Variants in MAST4 observed in about 807,000 individuals in gnomAD.
The protein encoded by MAST4 is microtubule associated serine/threonine kinase family member 4.
A neutral mutation model predicts 162.7 loss-of-function variants in MAST4; 89 were observed. The observed-to-expected ratio is 0.55, with a 90% CI of 0.46 to 0.65. MAST4 has a LOEUF of 0.65. MAST4 is among the 30% of genes least tolerant of loss of function. The pLI is 0.00. For synonymous variants in MAST4, 1,479 were observed against 1,361.1 expected (o/e 1.09, Z -1.91); for missense variants, 3,153 against 3,374.0 (o/e 0.93, Z 1.62).
chr5:66,999,341 C>T (rs759839831), intron 4 of MAST4, among the ~76,000 whole-genome samples: 26 of 152,312 alleles, frequency 1.7e-4, no homozygotes, highest in Middle Eastern at 3.4e-3. Context: ...CTTCTCCAGT[C>T]CTATGGGCTG....
At chr5:66,904,566 C>T (rs17217092) in intron 4 of MAST4, among the ~76,000 whole-genome samples, 21,739 of 151,990 alleles carry the variant, frequency 0.14, 1,822 homozygotes, top group South Asian at 0.22. Flanking sequence ...CTTGTAGGTC[C>T]GGGATCTATA....
In MAST4 at chr5:67,165,808, G is replaced by C. The variant is rs763252356; in HGVS notation, c.6629G>C (p.Arg2210Pro). 3.7e-6 allele frequency: 6 copies of C among 1,612,018 alleles called. No individual in the cohort carries two copies. Among genetic ancestry groups the C allele is most frequent in the South Asian group, 3.3e-5 (3 of 90,908 alleles). Residue 2210 changes from arginine to proline, a missense_variant, in exon 29 of 29, where the codon CGG becomes CCG. Physicochemically the swap from Arg to Pro is moderately radical, Grantham distance 103. Around this residue, in one of 7 missense-constraint regions of MAST4, gnomAD observed 1,644 missense variants for 1,495.0 expected, o/e 1.10. Coordinates refer to ENST00000403625, the MANE Select transcript of MAST4 (RefSeq NM_001164664.2). ...CCTCCAAAGACTAAGCACCCCGACCGGTCCCTCTCCTCTCAGAAACCAAGT... is the reference window on the plus strand; with the variant it reads ...CCTCCAAAGACTAAGCACCCCGACCCGTCCCTCTCCTCTCAGAAACCAAGT... ...PGPPKTKHPD[R>P]SLSSQKPSVG...
chr5:67,023,232 C>A (rs936277117), intron 4 of MAST4, among the ~76,000 whole-genome samples: 4 of 152,062 alleles, frequency 2.6e-5, no homozygotes, highest in Admixed American at 1.3e-4. Context: ...AGCTTCAACC[C>A]ACATTAAGCT....
chr5:66,910,729 GT>G (rs796681892), intron 4 of MAST4, among the ~76,000 whole-genome samples: 9 of 112,810 alleles, frequency 8.0e-5, no homozygotes, highest in African/African-American at 1.8e-4. Context: ...TACACATGTG[GT>G]TTTTTTTTTT....
At chr5:66,790,308 C>T (rs1466601302) in intron 3 of MAST4, among the ~76,000 whole-genome samples, 3 of 152,012 alleles carry the variant, frequency 2.0e-5, no homozygotes, top group South Asian at 2.1e-4. Flanking sequence ...TGGACAAGTC[C>T]GTTTCTCAAA....
At chr5:66,733,761 C>T (rs1752001140) in intron 1 of MAST4, among the ~76,000 whole-genome samples, 1 of 70,608 alleles carries the variant, frequency 1.4e-5, no homozygotes. Flanking sequence ...GCCCAGCCAA[C>T]TTGTGTTTTT....
At chr5:66,847,406 G>C (rs565278766) in intron 3 of MAST4, among the ~76,000 whole-genome samples, 1 of 152,146 alleles carries the variant, frequency 6.6e-6, no homozygotes, top group South Asian at 2.1e-4. Flanking sequence ...ACTGAGGCAG[G>C]CAGGTCACCT....
intron 3 of MAST4, among the ~76,000 whole-genome samples, chr5:66,885,578 T>G (rs922385084): frequency 2.6e-5 from 4 of 152,202 alleles, no homozygotes; most frequent in Non-Finnish European, 5.9e-5. Flanking sequence ...AAGTTTGTTT[T>G]TCATTAAGAA....
At chr5:66,968,807 T>C (rs1243756829) in intron 4 of MAST4, among the ~76,000 whole-genome samples, 1 of 152,214 alleles carries the variant, frequency 6.6e-6, no homozygotes, top group Non-Finnish European at 1.5e-5. Context: ...ATCAATTATC[T>C]AGGACAAAGT....
Position 67,163,527 on chromosome 5 carries a change from C to A in MAST4, c.4348C>A (p.Leu1450Met), listed in dbSNP as rs771735603. Residue 1450 changes from leucine (L) to methionine (M), a missense_variant, in exon 29 of 29, where the codon CTG (leucine) becomes ATG (methionine). Transcript: ENST00000403625. This position sits in a 1 kb window ranked among gnomAD's most constrained non-coding sequence, Gnocchi z 7.0. ...LLKRVQSEEK[L>M]SPSYGSDKKH... ...CAAGCGCGTGCAGTCCGAGGAGAAG[C>A]TGTCGCCCTCTTACGGCAGTGACAA... 1 of 1,606,510 alleles carries A rather than the reference C, an allele frequency of 6.2e-7. No individual in the cohort carries two copies. The highest frequency in any genetic ancestry group is 8.5e-7 in the Non-Finnish European group (1 of 1,176,682).
intron 6 of MAST4, chr5:67,094,036 A>G (rs972894750): frequency 7.5e-6 from 4 of 535,864 alleles, no homozygotes; most frequent in Non-Finnish European, 1.2e-5. Flanking sequence ...AGTTGTTTAA[A>G]AGTATTTCAA....
At chr5:66,919,970 TTCC>T (rs1463806988) in intron 4 of MAST4, among the ~76,000 whole-genome samples, 8 of 69,046 alleles carry the variant, frequency 1.2e-4, no homozygotes, top group African/African-American at 4.7e-4. Flanking sequence ...CCTTCCTTCC[TTCC>T]TTCTTTCTCT....
chr5:67,078,951 T>TATA (rs1762275516), intron 5 of MAST4, among the ~76,000 whole-genome samples: 1 of 95,904 alleles, frequency 1.0e-5, no homozygotes, highest in African/African-American at 6.2e-5. Context: ...TATATATATA[T>TATA]GGCAATCTGA....
At chr5:66,962,981 G>T (rs1746200025) in intron 4 of MAST4, among the ~76,000 whole-genome samples, 2 of 149,546 alleles carry the variant, frequency 1.3e-5, no homozygotes, top group African/African-American at 4.9e-5. Flanking sequence ...GAAAAAAGAT[G>T]AATGAACTCT....
chr5:66,854,598 C>T (rs78329464), intron 3 of MAST4, among the ~76,000 whole-genome samples: 3,326 of 152,120 alleles, frequency 0.022, 100 homozygotes, highest in African/African-American at 0.06. Context: ...TTCCATCAGA[C>T]GGAGCATGGG....
At position 66,749,934 on chromosome 5, in the gene MAST4, C is replaced by T. The variant is rs185519637; in HGVS notation, c.364-9775C>T. 3.6e-3 allele frequency among the ~76,000 whole-genome samples: 548 copies of T among 152,120 alleles called. 2 individuals carry two copies. The highest frequency in any genetic ancestry group is 0.012 in the African/African-American group (501 of 41,490). ...CTTCGGTTTAAAAGTAGATAAAATCCAATTTTGAAATAAAGTCATTTCAGG... is the reference window on the plus strand; with the variant it reads ...CTTCGGTTTAAAAGTAGATAAAATCTAATTTTGAAATAAAGTCATTTCAGG... On this transcript the variant is annotated intron_variant, in intron 1 of 28. Transcript: ENST00000403625.
chr5:66,645,951 T>C (rs987211858), intron 1 of MAST4, among the ~76,000 whole-genome samples: 7 of 152,320 alleles, frequency 4.6e-5, no homozygotes, highest in East Asian at 1.9e-4. Context: ...GACAGAAATA[T>C]TTTCTTCACA....
At chr5:67,046,465 A>G (rs1757381700) in intron 4 of MAST4, among the ~76,000 whole-genome samples, 1 of 152,198 alleles carries the variant, frequency 6.6e-6, no homozygotes, top group South Asian at 2.1e-4. Context: ...CTTAGAGTCT[A>G]GTTATCTGTG....
At chr5:66,885,682 G>A (rs557001305) in intron 3 of MAST4, among the ~76,000 whole-genome samples, 7 of 152,290 alleles carry the variant, frequency 4.6e-5, no homozygotes, top group African/African-American at 1.7e-4. Context: ...AAAAGCACCT[G>A]AGAGTATCAA....
Sources: gnomAD v4.1 joint callset for allele counts (sites outside exome capture counted in the v4.1 genomes callset) on GRCh38, gnomAD v4.1.1 for gene constraint, gnomAD v4.1.1 regional missense constraint, Gnocchi (gnomAD v3.1) non-coding constraint, MANE v1.5 for transcripts, NCBI Gene and HGNC (gene_info 2026-07-23, HGNC 2026-07-21) for gene names.